Variants in KIF7 observed in about 807,000 individuals in gnomAD.
KIF7 encodes kinesin family member 7, also known as kinesin-like protein KIF7.
Under a neutral mutation model 135.7 loss-of-function variants are expected in KIF7, and 104 were observed. The ratio of observed to expected loss-of-function variants is 0.77; its 90% CI spans 0.65 to 0.90. The LOEUF (loss-of-function observed/expected upper bound fraction) is 0.90. KIF7 is among the 40% of genes least tolerant of loss of function. The pLI is 0.00. For missense variants in KIF7, 2,005 were observed against 1,839.1 expected, an observed-to-expected ratio of 1.09 and a Z score of -1.65; for synonymous variants, 883 against 809.4, an observed-to-expected ratio of 1.09 and a Z score of -1.54.
rs1963571661 is a variant in KIF7, at chr15:89,628,096, A to T, written c.*323T>A. On this transcript the variant is annotated 3_prime_UTR_variant, in exon 19 of 19. Coordinates refer to ENST00000394412, the MANE Select transcript of KIF7 (RefSeq NM_198525.3). ...GGTTACCACCGACCCTTTCGTGATG[A>T]TTCTTGGCCAAACCCCTGAACTACA... The T allele has an allele frequency of 7.1e-6, 2 of 281,732 alleles. No individual in the cohort carries two copies. The highest frequency in any genetic ancestry group is 1.3e-5 in the Non-Finnish European group (2 of 151,502). 17.5% of individuals were successfully genotyped at this position (281,732 alleles called of 1,614,324 possible). A position where few individuals can be genotyped will look rare whatever the true frequency, so the allele number is the denominator to read the frequency against.
chr15:89,630,831 G>A, intron 15 of KIF7: 1 of 430,906 alleles, frequency 2.3e-6, no homozygotes, highest in South Asian at 2.1e-5. Context: ...TCTACAGATG[G>A]GGATACGTTC....
Position 89,633,881 on chromosome 15 carries a change from C to G in KIF7, c.2397G>C (p.Val799=), listed in dbSNP as rs1241976245. 1.2e-6 allele frequency: 2 copies of G among 1,613,642 alleles called. 1 individual carries two copies. Among genetic ancestry groups the G allele is most frequent in the African/African-American group, 2.7e-5 (2 of 74,938 alleles). ...RVAAAQSQVQ[V]LKEKKQATER... ...CCGTAGCCTGCTTCTTCTCCTTCAG[C>G]ACCTGGGACCCACACAGTCTTCACT... is the stretch of plus-strand genomic sequence containing the variant. Residue 799 remains valine (V), a splice_region_variant and synonymous_variant, in exon 12 of 19, where the codon GTG becomes GTC. Transcript: ENST00000394412.
In KIF7 at chr15:89,632,904, G is replaced by T. The variant is rs887506789; in HGVS notation, c.2811C>A (p.His937Gln). 1.2e-6 allele frequency: 2 copies of T among 1,610,344 alleles called. No individual in the cohort carries two copies. The highest frequency in any genetic ancestry group is 1.1e-5 in the South Asian group (1 of 90,910). The change falls in exon 14 of 19, where the codon CAC becomes CAA. Residue 937 changes from histidine to glutamine, a missense_variant. By Grantham distance (24) the His-to-Gln change is conservative. Coordinates refer to ENST00000394412, the MANE Select transcript of KIF7 (RefSeq NM_198525.3). The stretch of plus-strand genomic sequence containing the variant: ...TCTTGGCCAGGATGGCCTCCCGCTT[G>T]TGGAGCTCCTCCCCCAGCTCCTCCA... ...RALEELGEEL[H>Q]KREAILAKKE...
chr15:89,636,975 C>T (rs1963821826), intron 11 of KIF7, among the ~76,000 whole-genome samples: 15 of 94,190 alleles, frequency 1.6e-4, no homozygotes, highest in African/African-American at 5.9e-4. Context: ...TTATAACAAA[C>T]TATCTCTCAG....
At chr15:89,618,114 G>A in exon 2 of KIF7, 1 of 1,598,926 alleles carries the variant, frequency 6.3e-7, no homozygotes, top group Non-Finnish European at 8.6e-7. Flanking sequence ...TTAATTACAA[G>A]TGGTATGGAG....
Position 89,649,055 on chromosome 15 carries a change from G to T in KIF7, c.842C>A (p.Ala281Glu). The T allele has an allele frequency of 1.9e-6, 3 of 1,548,036 alleles. No homozygotes were observed. Among genetic ancestry groups the T allele is most frequent in the Non-Finnish European group, 1.7e-6 (2 of 1,146,738 alleles). The change falls in exon 4 of 19, where the codon GCG becomes GAG. Residue 281 changes from alanine to glutamate, a missense_variant. Physicochemically the swap from Ala to Glu is moderately radical, Grantham distance 107. Coordinates refer to ENST00000394412, the MANE Select transcript of KIF7 (RefSeq NM_198525.3). ...CAGGGCGCTGATGACGTTGCCCAGC[G>T]CCAGGAGGCTGCTGTTGATCTGGAT... ...ESIQINSSLL[A>E]LGNVISALGD...
At chr15:89,639,944 A>G (rs1229227853) in intron 11 of KIF7, among the ~76,000 whole-genome samples, 1 of 152,260 alleles carries the variant, frequency 6.6e-6, no homozygotes. Context: ...CTTATACACC[A>G]TGGAATACTG....
chr15:89,630,731 T>C, intron 15 of KIF7: 2 of 587,242 alleles, frequency 3.4e-6, no homozygotes, highest in Non-Finnish European at 6.1e-6. Context: ...CTGTGAATGA[T>C]CTACATTCAG....
chr15:89,629,959 C>T, intron 16 of KIF7: 2 of 516,906 alleles, frequency 3.9e-6, no homozygotes, highest in South Asian at 4.3e-5. Context: ...TGGCCTCCAC[C>T]CCCACCACTG....
chr15:89,620,297 C>T (rs1430570402), intron 1 of KIF7, among the ~76,000 whole-genome samples: 2 of 152,196 alleles, frequency 1.3e-5, no homozygotes, highest in East Asian at 3.9e-4. Flanking sequence ...TAGCCTCAAC[C>T]TCCCAGGCTC....
chr15:89,641,548 T>TC (rs1963919777), intron 11 of KIF7, among the ~76,000 whole-genome samples: 1 of 152,146 alleles, frequency 6.6e-6, no homozygotes. Flanking sequence ...ACACCTATAA[T>TC]CCCAGCACTT....
At chr15:89,637,353 GAC>G (rs1246747122) in intron 11 of KIF7, among the ~76,000 whole-genome samples, 1 of 148,452 alleles carries the variant, frequency 6.7e-6, no homozygotes, top group Non-Finnish European at 1.5e-5. Context: ...AGGAAATAGA[GAC>G]ACAAAAAACC....
downstream of KIF7, chr15:89,623,532 A>C: frequency 7.7e-7 from 1 of 1,290,558 alleles, no homozygotes; most frequent in Non-Finnish European, 1.1e-6. Context: ...GCTGACTATA[A>C]ATCTCCCATT....
In KIF7 at chr15:89,633,185, G is replaced by C; in HGVS notation, c.2674C>G (p.Arg892Gly). The change falls in exon 13 of 19, where the codon CGC (arginine) becomes GGC (glycine). Residue 892 changes from arginine to glycine, a missense_variant. By Grantham distance (125) the Arg-to-Gly change is moderately radical. Transcript: ENST00000394412. ...EEIAAFQRKR[R>G]SGSNGSVVSL... ...ACCACAGAGCCGTTGCTGCCACTGC[G>C]CCTCTTCCTCTGGAATGCCGCGATC... 1 of 1,605,300 alleles carries C rather than the reference G, an allele frequency of 6.2e-7. No individual in the cohort carries two copies. The highest frequency in any genetic ancestry group is 2.2e-5 in the East Asian group (1 of 44,828).
upstream of KIF7, among the ~76,000 whole-genome samples, chr15:89,656,848 T>C (rs1596082975): frequency 6.6e-6 from 1 of 152,182 alleles, no homozygotes; most frequent in East Asian, 1.9e-4. Flanking sequence ...CTAAATCAAT[T>C]GGGGTCCTGA....
chr15:89,634,185 G>A (rs1028823078), intron 11 of KIF7, among the ~76,000 whole-genome samples: 7 of 152,314 alleles, frequency 4.6e-5, no homozygotes, highest in Middle Eastern at 3.4e-3. Flanking sequence ...TCTAATCCCA[G>A]CTACTCAGGA....
chr15:89,625,266 C>T, downstream of KIF7: 3 of 1,613,570 alleles, frequency 1.9e-6, no homozygotes, highest in Non-Finnish European at 2.5e-6. Flanking sequence ...CCACCCACGG[C>T]CCTTCTAGTA....
At position 89,649,913 on chromosome 15, in the gene KIF7, A is replaced by G. The variant is rs1327092527; in HGVS notation, c.357T>C (p.Ile119=). The G allele has an allele frequency of 6.4e-7, 1 of 1,551,582 alleles. No homozygotes were observed. Residue 119 remains isoleucine (I), a synonymous_variant, in exon 3 of 19, where the codon ATT becomes ATC. Transcript: ENST00000394412. ...VASLLEDEQG[I]VPRAMAEAFK... ...AGGCCTCGGCCATGGCCCTCGGGAC[A>G]ATGCCCTGCTCATCCTCAAGGAGGG...
chr15:89,641,569 A>G (rs1266775645), intron 11 of KIF7, among the ~76,000 whole-genome samples: 1 of 152,224 alleles, frequency 6.6e-6, no homozygotes, highest in African/African-American at 2.4e-5. Context: ...TGGTAGGCCC[A>G]GGTGGGCGGA....
Sources: allele counts gnomAD v4.1 joint callset (sites outside exome capture counted in the v4.1 genomes callset), GRCh38; gene constraint gnomAD v4.1.1; transcripts MANE v1.5; gene names NCBI Gene and HGNC (gene_info 2026-07-23, HGNC 2026-07-21).